The following ZNF669 variants were observed in gnomAD, a reference collection of about 807,000 sequenced individuals.
ZNF669 encodes zinc finger protein 669.
A neutral mutation model predicts 11.4 loss-of-function variants in ZNF669; 7 were observed. That is an observed-to-expected ratio of 0.62 (90% CI 0.35 to 1.16). The LOEUF is 1.16. ZNF669 is among the 50% of genes most tolerant of loss of function. The probability of loss-of-function intolerance (pLI) is 0.02; values close to 1 mark genes in which losing one functional copy is unlikely to be tolerated. For synonymous variants in ZNF669, 153 were observed against 155.8 expected, an observed-to-expected ratio of 0.98 and a Z score of 0.13; for missense variants, 492 against 463.6, an observed-to-expected ratio of 1.06 and a Z score of -0.56.
chr1:247,100,618 T>C lies in ZNF669; in HGVS notation c.893A>G (p.His298Arg). Reference protein sequence around the residue: ...LSSLCNHRSTHTGEKPYECKQ... With the variant: ...LSSLCNHRSTRTGEKPYECKQ... Reference sequence around the variant, plus strand: ...ACATTCATAGGGTTTCTCTCCGGTATGAGTACTTCTATGGTTACAAAGGGA... The same window carrying C: ...ACATTCATAGGGTTTCTCTCCGGTACGAGTACTTCTATGGTTACAAAGGGA... Residue 298 changes from histidine to arginine, a missense_variant, in exon 4 of 4, where the codon CAT (histidine) becomes CGT (arginine). Physicochemically the swap from His to Arg is conservative, Grantham distance 29. Coordinates refer to ENST00000448299, the MANE Select transcript of ZNF669 (RefSeq NM_001142572.2). The C allele has an allele frequency of 1.2e-6, 2 of 1,614,236 alleles. No individual in the cohort carries two copies. Among genetic ancestry groups the C allele is most frequent in the Non-Finnish European group, 1.7e-6 (2 of 1,180,030 alleles).
In ZNF669 at chr1:247,102,023, C is replaced by A. The variant is rs1671735370; in HGVS notation, c.94G>T (p.Val32Leu). ...AGGTTCCTGCAGGTTTCCTGCATCA[C>A]TTCTCTGTAGAGATTCTTCTGAGAA... ...DSSQKNLYREVMQETCRNLAS... is the reference protein window; with the variant it reads ...DSSQKNLYRELMQETCRNLAS... The change falls in exon 2 of 4, where the codon GTG (valine) becomes TTG (leucine). Residue 32 changes from valine (V) to leucine (L), a missense_variant. Transcript: ENST00000448299. The A allele has an allele frequency of 3.1e-6, 5 of 1,613,976 alleles. No individual in the cohort carries two copies. Among genetic ancestry groups the A allele is most frequent in the East Asian group, 2.2e-5 (1 of 44,882 alleles).
In ZNF669 at chr1:247,100,135, C is replaced by T. The variant is rs558312493; in HGVS notation, c.*239G>A. The T allele has an allele frequency of 3.1e-5, 12 of 386,734 alleles. No individual in the cohort carries two copies. Among genetic ancestry groups the T allele is most frequent in the Non-Finnish European group, 5.6e-5 (12 of 215,468 alleles). 24.0% of individuals were successfully genotyped at this position (386,734 alleles called of 1,614,324 possible). On this transcript the variant is annotated 3_prime_UTR_variant, in exon 4 of 4. Transcript: ENST00000448299. Reference sequence around the variant, plus strand: ...GAGTAACTGGGACCACAGGCGTCTGCCACCACGCCCAGCTAATTTTTTGTA... The same window carrying T: ...GAGTAACTGGGACCACAGGCGTCTGTCACCACGCCCAGCTAATTTTTTGTA...
At position 247,103,385 on chromosome 1, in the gene ZNF669, G is replaced by C. The variant is rs756619555; in HGVS notation, c.3+812C>G. On this transcript the variant is annotated intron_variant, in intron 1 of 3. Transcript: ENST00000448299. ...GCGGTGGCTCACGCCTGTAATCTCA[G>C]CGCTTTAGGAGGCCGAGACGGGCGG... Among the ~76,000 whole-genome samples the C allele has an allele frequency of 1.7e-4, 26 of 152,226 alleles. No individual in the cohort carries two copies. In the Middle Eastern group the frequency reaches 0.01, roughly 60 times the overall value.
rs767617396 is a variant in ZNF669 at position 247,102,074 on chromosome 1, G to C, written c.43C>G (p.Gln15Glu). 1 of 1,612,468 alleles carries C rather than the reference G, an allele frequency of 6.2e-7. No individual in the cohort carries two copies. Among genetic ancestry groups the C allele is most frequent in the African/African-American group, 1.3e-5 (1 of 74,772 alleles). The change falls in exon 2 of 4, where the codon CAG becomes GAG. Residue 15 changes from glutamine to glutamate, a missense_variant. Gln to Glu is a conservative substitution (Grantham distance 29). Transcript: ENST00000448299. Reference protein sequence around the residue: ...AFEDVAVNFTQEEWALLDSSQ... With the variant: ...AFEDVAVNFTEEEWALLDSSQ... The stretch of plus-strand genomic sequence containing the variant: ...GAATCTAGCAAAGCCCATTCCTCCT[G>C]GGTAAAGTTCACAGCCACATCCTCA...
rs140921841 is a variant in ZNF669 at position 247,101,736 on chromosome 1, A to G, written c.186T>C (p.Asp62=). 44 of 1,613,800 alleles carry G rather than the reference A, an allele frequency of 2.7e-5. No homozygotes were observed. Among genetic ancestry groups the G allele is most frequent in the Non-Finnish European group, 3.6e-5 (42 of 1,179,936 alleles). Residue 62 remains aspartate (D), a synonymous_variant, in exon 3 of 4, where the codon GAT becomes GAC. Transcript: ENST00000448299. ...IEDHFEKPGK[D]IRNHIVQRLC... is the part of the protein sequence containing the mutation. ...CTCTGCTCAGTGCAAATTACCTTAT[A>G]TCTTTCCCAGGTTTTTCGAAGTGAT... is the stretch of plus-strand genomic sequence containing the variant.
chr1:247,104,114 T>C lies in ZNF669; in HGVS notation c.3+83A>G, dbSNP rs1671792190. ...CTCGGTCCGCAGGTTCCGGAGCCGA[T>C]GGCGTGGAGGCCCGAGTCGCGCCAC... On this transcript the variant is annotated intron_variant, in intron 1 of 3. Transcript: ENST00000448299. The C allele has an allele frequency of 2.5e-6, 4 of 1,596,720 alleles. No individual in the cohort carries two copies. In the South Asian group the frequency reaches 3.4e-5, roughly 13 times the overall value.
chr1:247,102,326 G>A (rs1671741305), intron 1 of ZNF669, among the ~76,000 whole-genome samples: 1 of 152,226 alleles, frequency 6.6e-6, no homozygotes, highest in Non-Finnish European at 1.5e-5. Context: ...CAACAGCAAA[G>A]TGGAAATACC....
intron 1 of ZNF669, 72 bp from the exon 2 acceptor site, chr1:247,102,185 T>A (rs1671739491): frequency 6.7e-7 from 1 of 1,488,998 alleles, no homozygotes; most frequent in Non-Finnish European, 9.0e-7. Context: ...ACTCAATTCA[T>A]AAGCTGTTTA....
rs1209582001 is a variant in ZNF669 at position 247,102,124 on chromosome 1, C to T, written c.4-11G>A. 2.5e-6 allele frequency: 4 copies of T among 1,589,308 alleles called. No homozygotes were observed. ...AAAAGCCACCGAGTCCTAGAACATT[C>T]CACACATGTGGATAGAAGGATGGGT... On this transcript the variant is annotated splice_polypyrimidine_tract_variant and intron_variant, in intron 1 of 3. Transcript: ENST00000448299.
At position 247,100,373 on chromosome 1, in the gene ZNF669, C is replaced by T. The variant is rs1671691404; in HGVS notation, c.*1G>A. Reference sequence around the variant, plus strand: ...TCCAGGCTGGTTATGAACTCCTGGGCTCAAGCAATCCACACGCCTTGGCCT... The same window carrying T: ...TCCAGGCTGGTTATGAACTCCTGGGTTCAAGCAATCCACACGCCTTGGCCT... On this transcript the variant is annotated 3_prime_UTR_variant, in exon 4 of 4. Transcript: ENST00000448299. 1 of 1,560,612 alleles carries T rather than the reference C, an allele frequency of 6.4e-7. No homozygotes were observed.
chr1:247,102,307 T>C (rs1042007133), intron 1 of ZNF669, among the ~76,000 whole-genome samples, 194 bp from the exon 2 acceptor site: 2 of 152,222 alleles, frequency 1.3e-5, no homozygotes, highest in Admixed American at 1.3e-4. Flanking sequence ...ATTGAACTAT[T>C]CAAAAAGGCA....
At chr1:247,101,653 T>C (rs1369168585) in intron 3 of ZNF669, 78 bp downstream of exon 3, 5 of 1,361,080 alleles carry the variant, frequency 3.7e-6, no homozygotes, top group South Asian at 1.3e-5. Context: ...CTTATTTGTT[T>C]TGATTGCTTG....
At chr1:247,103,575 A>G (rs10924917) in intron 1 of ZNF669, among the ~76,000 whole-genome samples, 34,645 of 145,326 alleles carry the variant, frequency 0.24, 4,636 homozygotes, top group South Asian at 0.44. Context: ...CAGAGGTTGC[A>G]ATGAGTGAGA....
chr1:247,101,104 T>C lies in ZNF669; in HGVS notation c.407A>G (p.Tyr136Cys), dbSNP rs142864956. The change falls in exon 4 of 4, where the codon TAT becomes TGT. Residue 136 changes from tyrosine (Y) to cysteine (C), a missense_variant. By Grantham distance (194) the Tyr-to-Cys change is radical. Coordinates refer to ENST00000448299, the MANE Select transcript of ZNF669 (RefSeq NM_001142572.2). ...SGYKPYGEKQ[Y>C]KCEQCGKFFV... Reference sequence around the variant, plus strand: ...GAATTTCCCACACTGTTCACATTTATATTGCTTCTCTCCATATGGTTTGTA... The same window carrying C: ...GAATTTCCCACACTGTTCACATTTACATTGCTTCTCTCCATATGGTTTGTA... 10 of 1,614,114 alleles carry C rather than the reference T, an allele frequency of 6.2e-6. No homozygotes were observed. The African/African-American group carries it at 1.3e-4, about 22-fold the overall frequency.
intron 3 of ZNF669, 118 bp downstream of exon 3, chr1:247,101,613 T>C (rs1671725877): frequency 1.9e-6 from 2 of 1,068,954 alleles, no homozygotes; most frequent in Non-Finnish European, 2.7e-6. Context: ...GGGTGAAATT[T>C]TTCTAAAAAT....
Position 247,100,940 on chromosome 1 carries a change from G to T in ZNF669, c.571C>A (p.Pro191Thr), listed in dbSNP as rs1480590700. 1 of 1,613,532 alleles carries T rather than the reference G, an allele frequency of 6.2e-7. No homozygotes were observed. Among genetic ancestry groups the T allele is most frequent in the East Asian group, 2.2e-5 (1 of 44,876 alleles). ...RHQRTHTGEK[P>T]YKCKQCGKAF... is the part of the protein sequence containing the mutation. ...TTACCACATTGTTTACATTTATAGG[G>T]TTTTTCTCCTGTGTGAGTTCTCTGA... Residue 191 changes from proline to threonine, a missense_variant, in exon 4 of 4, where the codon CCC becomes ACC. By Grantham distance (38) the Pro-to-Thr change is conservative. Coordinates refer to ENST00000448299, the MANE Select transcript of ZNF669 (RefSeq NM_001142572.2).
chr1:247,104,069 C>G (rs1204479831), intron 1 of ZNF669, 128 bp downstream of exon 1: 1 of 1,583,394 alleles, frequency 6.3e-7, no homozygotes, highest in Admixed American at 1.8e-5. Context: ...GAGGACTGAG[C>G]CCCGGCTACG....
chr1:247,102,998 CT>C (rs558813242), intron 1 of ZNF669, among the ~76,000 whole-genome samples: 1 of 152,114 alleles, frequency 6.6e-6, no homozygotes, highest in African/African-American at 2.4e-5. Context: ...CCAAATCAGG[CT>C]TTTTTAGGCA....
At chr1:247,103,918 C>G in intron 1 of ZNF669, 1 of 1,582,178 alleles carries the variant, frequency 6.3e-7, no homozygotes, top group Non-Finnish European at 8.6e-7. Flanking sequence ...CCGCATCACC[C>G]TCCCGTGGTC....
Sources: gnomAD v4.1 joint callset for allele counts (sites outside exome capture counted in the v4.1 genomes callset) on GRCh38, gnomAD v4.1.1 for gene constraint, MANE v1.5 for transcripts, NCBI Gene and HGNC (gene_info 2026-07-23, HGNC 2026-07-21) for gene names.